OR12D3: variants seen among roughly 807,000 people sequenced by gnomAD.
OR12D3 encodes olfactory receptor 12D3.
For synonymous variants in OR12D3, 142 were observed against 138.8 expected (o/e 1.02, Z -0.16); for missense variants, 333 against 386.4 (o/e 0.86, Z 1.16).
In OR12D3 at chr6:29,375,028, C is replaced by A. The variant is rs374168929; in HGVS notation, c.260G>T (p.Arg87Leu). 1.2e-6 allele frequency: 2 copies of A among 1,613,366 alleles called. No individual in the cohort carries two copies. Among genetic ancestry groups the A allele is most frequent in the Non-Finnish European group, 8.5e-7 (1 of 1,180,004 alleles). Reference sequence around the variant, plus strand: ...ACAGCCTAGAAAAGATATAGCCCTGCGACTGCACACGAGGTTTACGAGCAG... The same window carrying A: ...ACAGCCTAGAAAAGATATAGCCCTGAGACTGCACACGAGGTTTACGAGCAG... Reference protein sequence around the residue: ...PKLLVNLVCSRRAISFLGCIT... With the variant: ...PKLLVNLVCSLRAISFLGCIT... The change falls in exon 1 of 1, where the codon CGC becomes CTC. Residue 87 changes from arginine to leucine, a missense_variant. Physicochemically the swap from Arg to Leu is moderately radical, Grantham distance 102. Transcript: ENST00000396806.
In OR12D3 at chr6:29,374,045, T is replaced by C; in HGVS notation, c.*292A>G. The C allele has an allele frequency of 4.7e-6, 2 of 424,526 alleles. No homozygotes were observed. The highest frequency in any genetic ancestry group is 8.3e-6 in the Non-Finnish European group (2 of 241,808). 26.3% of individuals were successfully genotyped at this position (424,526 alleles called of 1,614,324 possible). A position where few individuals can be genotyped will look rare whatever the true frequency, so the allele number is the denominator to read the frequency against. On this transcript the variant is annotated 3_prime_UTR_variant, in exon 1 of 1. Transcript: ENST00000396806. ...TCTTTTTTACACAGCAGATTCCTAC[T>C]CTAACCCTCCCCATACTTCCTACCT...
In OR12D3 at chr6:29,374,698, A is replaced by G. The variant is rs763727523; in HGVS notation, c.590T>C (p.Leu197Pro). The G allele has an allele frequency of 2.5e-6, 4 of 1,612,930 alleles. No individual in the cohort carries two copies. The Admixed American group carries it at 5.0e-5, about 20-fold the overall frequency. The change falls in exon 1 of 1, where the codon CTT (leucine) becomes CCT (proline). Residue 197 changes from leucine (L) to proline (P), a missense_variant. Coordinates refer to ENST00000396806, the MANE Select transcript of OR12D3 (RefSeq NM_030959.3). ...CSDTLLNQWL[L>P]SIVTGSISMG... ...GGATATGCTGCCTGTGACAATGGAAAGAAGCCATTGATTGAGTAATGTGTC... is the reference window on the plus strand; with the variant it reads ...GGATATGCTGCCTGTGACAATGGAAGGAAGCCATTGATTGAGTAATGTGTC...
Position 29,374,420 on chromosome 6 carries a change from T to C in OR12D3, c.868A>G (p.Thr290Ala). ...ATCATCACTTCTTTGTTCCTAAGGG[T>C]GTAGATTAGTGGATTCAGTACAGGG... ...VTPVLNPLIY[T>A]LRNKEVMMAL... The change falls in exon 1 of 1, where the codon ACC becomes GCC. Residue 290 changes from threonine (T) to alanine (A), a missense_variant. Physicochemically the swap from Thr to Ala is moderately conservative, Grantham distance 58. Coordinates refer to ENST00000396806, the MANE Select transcript of OR12D3 (RefSeq NM_030959.3). 6.2e-7 allele frequency: 1 copy of C among 1,612,818 alleles called. No individual in the cohort carries two copies. The highest frequency in any genetic ancestry group is 1.1e-5 in the South Asian group (1 of 91,064).
chr6:29,374,833 A>C lies in OR12D3; in HGVS notation c.455T>G (p.Phe152Cys). 2 of 1,612,988 alleles carry C rather than the reference A, an allele frequency of 1.2e-6. No homozygotes were observed. Among genetic ancestry groups the C allele is most frequent in the Non-Finnish European group, 1.7e-6 (2 of 1,180,004 alleles). ...CATGACAGAATGCATCAGAGCGTAA[A>C]AGAAGCTGATGAGCCAGGCCGCAGC... ...LAAAAWLISF[F>C]YALMHSVMTA... The change falls in exon 1 of 1, where the codon TTT becomes TGT. Residue 152 changes from phenylalanine (F) to cysteine (C), a missense_variant. By Grantham distance (205) the Phe-to-Cys change is radical. Coordinates refer to ENST00000396806, the MANE Select transcript of OR12D3 (RefSeq NM_030959.3).
rs202245874 is a variant in OR12D3, at chr6:29,375,055, T to C, written c.233A>G (p.Lys78Arg). The C allele has an allele frequency of 1.0e-3, 1,647 of 1,613,282 alleles. 16 individuals are homozygous for C. In the South Asian group the frequency reaches 0.016, roughly 15 times the overall value. The change falls in exon 1 of 1, where the codon AAG becomes AGG. Residue 78 changes from lysine to arginine, a missense_variant. By Grantham distance (26) the Lys-to-Arg change is conservative. Coordinates refer to ENST00000396806, the MANE Select transcript of OR12D3 (RefSeq NM_030959.3). Reference protein sequence around the residue: ...DISYSSVTLPKLLVNLVCSRR... With the variant: ...DISYSSVTLPRLLVNLVCSRR... ...ACTGCACACGAGGTTTACGAGCAGCTTGGGCAGTGTCACTGAAGAATAAGA... is the reference window on the plus strand; with the variant it reads ...ACTGCACACGAGGTTTACGAGCAGCCTGGGCAGTGTCACTGAAGAATAAGA...
rs1779319468 is a variant in OR12D3 at position 29,374,640 on chromosome 6, G to A, written c.648C>T (p.Cys216=). ...ACAGAAGGAAGCCAATTACATAGAA[G>A]CAGGAGAGAAGAGTCAGAAAGAAAG... ...MGAFFLTLLS[C]FYVIGFLLFK... The change falls in exon 1 of 1, where the codon TGC becomes TGT. Residue 216 remains cysteine (C), a synonymous_variant. Transcript: ENST00000396806. The A allele has an allele frequency of 1.2e-6, 2 of 1,612,868 alleles. No homozygotes were observed. The highest frequency in any genetic ancestry group is 2.2e-5 in the East Asian group (1 of 44,872).
chr6:29,374,204 A>T lies in OR12D3; in HGVS notation c.*133T>A, dbSNP rs1357386863. 2.9e-6 allele frequency: 2 copies of T among 681,156 alleles called. No homozygotes were observed. The highest frequency in any genetic ancestry group is 4.8e-6 in the Non-Finnish European group (2 of 412,868). The allele number at this position is 681,156 out of a possible 1,614,324, so 42.2% of individuals were successfully genotyped here. On this transcript the variant is annotated 3_prime_UTR_variant, in exon 1 of 1. Coordinates refer to ENST00000396806, the MANE Select transcript of OR12D3 (RefSeq NM_030959.3). ...TTTTGCTTGCTCCTGTGTTTCTTGAACCTACTACACTGCCTAATATAATAT... is the reference window on the plus strand; with the variant it reads ...TTTTGCTTGCTCCTGTGTTTCTTGATCCTACTACACTGCCTAATATAATAT...
At position 29,374,954 on chromosome 6, in the gene OR12D3, A is replaced by C. The variant is rs757493626; in HGVS notation, c.334T>G (p.Leu112Val). The C allele has an allele frequency of 4.3e-6, 7 of 1,613,866 alleles. No homozygotes were observed. In the African/African-American group the frequency reaches 9.3e-5, roughly 22 times the overall value. Residue 112 changes from leucine (L) to valine (V), a missense_variant, in exon 1 of 1, where the codon TTA (leucine) becomes GTA (valine). Leu to Val is a conservative substitution (Grantham distance 32, BLOSUM62 1). Coordinates refer to ENST00000396806, the MANE Select transcript of OR12D3 (RefSeq NM_030959.3). ...CGGTCAAAGGCCATGATAGCCAGTA[A>C]AATGGCCTCTGTGCTTCCCAAAAAG... ...FHFLGSTEAI[L>V]LAIMAFDRFV...
Position 29,374,418 on chromosome 6 carries a change from G to GGT in OR12D3, c.868_869dup (p.Leu291ProfsTer7). ...CCATCATCACTTCTTTGTTCCTAAG[G>GGT]GTGTAGATTAGTGGATTCAGTACAG... On this transcript the variant is annotated frameshift_variant, in exon 1 of 1. Coordinates refer to ENST00000396806, the MANE Select transcript of OR12D3 (RefSeq NM_030959.3). LOFTEE classifies it low-confidence loss of function (END_TRUNC). 1 of 1,612,898 alleles carries GGT rather than the reference G, an allele frequency of 6.2e-7. No individual in the cohort carries two copies.
In OR12D3 at chr6:29,375,257, GAAAC is replaced by G; in HGVS notation, c.27_30del (p.Glu9AspfsTer6). 1 of 1,590,216 alleles carries G rather than the reference GAAAC, an allele frequency of 6.3e-7. No homozygotes were observed. The highest frequency in any genetic ancestry group is 8.5e-7 in the Non-Finnish European group (1 of 1,173,134). On this transcript the variant is annotated frameshift_variant, in exon 1 of 1. Coordinates refer to ENST00000396806, the MANE Select transcript of OR12D3 (RefSeq NM_030959.3). LOFTEE classifies it low-confidence loss of function (END_TRUNC). ...TGAACACCAGTCAGGCCAAGTAGAA[GAAAC>G]TCATTCATTGTAGTGACATTCTCCA... is the stretch of plus-strand genomic sequence containing the variant.
rs1360433882 is a variant in OR12D3 at position 29,373,642 on chromosome 6, A to G, written c.*695T>C. The G allele has an allele frequency of 1.2e-5, 2 of 172,928 alleles. No individual in the cohort carries two copies. The highest frequency in any genetic ancestry group is 2.4e-5 in the Non-Finnish European group (2 of 82,572). 10.7% of individuals were successfully genotyped at this position (172,928 alleles called of 1,614,324 possible). On this transcript the variant is annotated 3_prime_UTR_variant, in exon 1 of 1. Coordinates refer to ENST00000396806, the MANE Select transcript of OR12D3 (RefSeq NM_030959.3). ...AATGCAGGGACAGTAATGTAGGTTT[A>G]GCTTGATTGTGGTAGTCTCTTCACA...
rs1225511774 is a variant in OR12D3 at position 29,374,963 on chromosome 6, C to G, written c.325G>C (p.Glu109Gln). Residue 109 changes from glutamate to glutamine, a missense_variant, in exon 1 of 1, where the codon GAG (glutamate) becomes CAG (glutamine). Coordinates refer to ENST00000396806, the MANE Select transcript of OR12D3 (RefSeq NM_030959.3). The stretch of plus-strand genomic sequence containing the variant: ...GCCATGATAGCCAGTAAAATGGCCT[C>G]TGTGCTTCCCAAAAAGTGGAAGAAG... Reference protein sequence around the residue: ...LHFFHFLGSTEAILLAIMAFD... With the variant: ...LHFFHFLGSTQAILLAIMAFD... 6.2e-7 allele frequency: 1 copy of G among 1,613,952 alleles called. No homozygotes were observed. The highest frequency in any genetic ancestry group is 1.3e-5 in the African/African-American group (1 of 75,046).
chr6:29,373,837 C>A lies in OR12D3; in HGVS notation c.*500G>T, dbSNP rs956031087. The A allele has an allele frequency of 4.0e-5, 16 of 395,124 alleles. No homozygotes were observed. In the South Asian group the frequency reaches 1.7e-3, roughly 42 times the overall value. 24.5% of individuals were successfully genotyped at this position (395,124 alleles called of 1,614,324 possible). A position where few individuals can be genotyped will look rare whatever the true frequency, so the allele number is the denominator to read the frequency against. On this transcript the variant is annotated 3_prime_UTR_variant, in exon 1 of 1. Transcript: ENST00000396806. The stretch of plus-strand genomic sequence containing the variant: ...AATTCTCTTCAAGAATTAAGATTAA[C>A]AAAAATGATATTCTAGATAAAAACT...
Position 29,374,644 on chromosome 6 carries a change from G to C in OR12D3, c.644C>G (p.Ser215Cys). 2 of 1,612,816 alleles carry C rather than the reference G, an allele frequency of 1.2e-6. No homozygotes were observed. The highest frequency in any genetic ancestry group is 1.7e-6 in the Non-Finnish European group (2 of 1,180,018). ...AAGGAAGCCAATTACATAGAAGCAG[G>C]AGAGAAGAGTCAGAAAGAAAGCTCC... ...SMGAFFLTLL[S>C]CFYVIGFLLF... Residue 215 changes from serine to cysteine, a missense_variant, in exon 1 of 1, where the codon TCC becomes TGC. By Grantham distance (112) the Ser-to-Cys change is moderately radical (BLOSUM62 -1). Transcript: ENST00000396806.
Position 29,373,914 on chromosome 6 carries a change from GA to G in OR12D3, c.*422del, listed in dbSNP as rs1261715116. The G allele has an allele frequency of 3.5e-5, 14 of 397,190 alleles. No individual in the cohort carries two copies. The highest frequency in any genetic ancestry group is 4.9e-5 in the Non-Finnish European group (11 of 225,752). The allele number at this position is 397,190 out of a possible 1,614,324, so 24.6% of individuals were successfully genotyped here. ...TTTCCTGCTGAAGGAAACACAAAAG[GA>G]AAAAAAATAGGCAAAAATAAAGATT... is the stretch of plus-strand genomic sequence containing the variant. On this transcript the variant is annotated 3_prime_UTR_variant, in exon 1 of 1. Transcript: ENST00000396806.
At position 29,374,061 on chromosome 6, in the gene OR12D3, C is replaced by T. The variant is rs529027345; in HGVS notation, c.*276G>A. On this transcript the variant is annotated 3_prime_UTR_variant, in exon 1 of 1. Transcript: ENST00000396806. The stretch of plus-strand genomic sequence containing the variant: ...GATTCCTACTCTAACCCTCCCCATA[C>T]TTCCTACCTCCTTAGTTCTCCTTGC... 2 of 437,952 alleles carry T rather than the reference C, an allele frequency of 4.6e-6. No homozygotes were observed. The highest frequency in any genetic ancestry group is 1.5e-4 in the South Asian group (2 of 13,262). The allele number at this position is 437,952 out of a possible 1,614,324, so 27.1% of individuals were successfully genotyped here.
chr6:29,374,274 T>G lies in OR12D3; in HGVS notation c.*63A>C. The G allele has an allele frequency of 7.5e-7, 1 of 1,332,032 alleles. No individual in the cohort carries two copies. Among genetic ancestry groups the G allele is most frequent in the Non-Finnish European group, 1.0e-6 (1 of 966,236 alleles). 82.5% of individuals were successfully genotyped at this position (1,332,032 alleles called of 1,614,324 possible). The stretch of plus-strand genomic sequence containing the variant: ...GAAAAATATAAACCAGGTAAACAAA[T>G]CATTTCTTACAGTGAAGTGATGGAA... On this transcript the variant is annotated 3_prime_UTR_variant, in exon 1 of 1. Transcript: ENST00000396806.
At position 29,374,709 on chromosome 6, in the gene OR12D3, A is replaced by T. The variant is rs376909965; in HGVS notation, c.579T>A (p.Asn193Lys). ...LELACSDTLL[N>K]QWLLSIVTGS... is the part of the protein sequence containing the mutation. ...CTGTGACAATGGAAAGAAGCCATTG[A>T]TTGAGTAATGTGTCACTACAGGCCA... Residue 193 changes from asparagine (N) to lysine (K), a missense_variant, in exon 1 of 1, where the codon AAT (asparagine) becomes AAA (lysine). Asn to Lys is a moderately conservative substitution (Grantham distance 94). Coordinates refer to ENST00000396806, the MANE Select transcript of OR12D3 (RefSeq NM_030959.3). 1 of 1,611,966 alleles carries T rather than the reference A, an allele frequency of 6.2e-7. No homozygotes were observed.
rs765589039 is a variant in OR12D3 at position 29,375,035 on chromosome 6, A to G, written c.253T>C (p.Cys85Arg). The change falls in exon 1 of 1, where the codon TGC becomes CGC. Residue 85 changes from cysteine (C) to arginine (R), a missense_variant. Physicochemically the swap from Cys to Arg is radical, Grantham distance 180. Transcript: ENST00000396806. ...AGAAAAGATATAGCCCTGCGACTGCACACGAGGTTTACGAGCAGCTTGGGC... is the reference window on the plus strand; with the variant it reads ...AGAAAAGATATAGCCCTGCGACTGCGCACGAGGTTTACGAGCAGCTTGGGC... ...TLPKLLVNLV[C>R]SRRAISFLGC... is the part of the protein sequence containing the mutation. 1.2e-6 allele frequency: 2 copies of G among 1,613,642 alleles called. No homozygotes were observed. The highest frequency in any genetic ancestry group is 3.3e-5 in the Admixed American group (2 of 60,020).
Sources: allele counts gnomAD v4.1 joint callset, GRCh38; gene constraint gnomAD v4.1.1; transcripts MANE v1.5; gene names NCBI Gene and HGNC (gene_info 2026-07-23, HGNC 2026-07-21).